Variants in PCK2 observed in about 807,000 individuals in gnomAD.
PCK2 encodes the protein phosphoenolpyruvate carboxykinase [GTP], mitochondrial.
A neutral mutation model predicts 65.9 loss-of-function variants in PCK2; 56 were observed. The ratio of observed to expected loss-of-function variants is 0.85; its 90% CI spans 0.69 to 1.06. The LOEUF (loss-of-function observed/expected upper bound fraction) is 1.06. Among genes scored for constraint, PCK2 ranks in the 50% least tolerant of loss-of-function variants. The pLI, the probability that PCK2 is intolerant of heterozygous loss-of-function variation, is 0.00. For synonymous variants in PCK2, 305 were observed against 319.6 expected (o/e 0.95, Z 0.49); for missense variants, 843 against 863.1 (o/e 0.98, Z 0.29).
chr14:24,094,667 C>G lies in PCK2; in HGVS notation c.29+233C>G. ...CTCCCCTTCTCTGCCTCGCTCGCCT[C>G]TGACCGCGCGATCTCTATCTGCCAC... On this transcript the variant is annotated intron_variant, in intron 1 of 9. Transcript: ENST00000216780. The surrounding 1 kb of genome is among the most constrained non-coding windows in gnomAD (Gnocchi z 4.1). The G allele has an allele frequency of 2.0e-6, 3 of 1,514,130 alleles. No homozygotes were observed. The highest frequency in any genetic ancestry group is 2.6e-6 in the Non-Finnish European group (3 of 1,133,696). 93.8% of individuals were successfully genotyped at this position (1,514,130 alleles called of 1,614,324 possible).
chr14:24,094,641 C>T lies in PCK2; in HGVS notation c.29+207C>T, dbSNP rs1164635414. 6.7e-7 allele frequency: 1 copy of T among 1,486,840 alleles called. No homozygotes were observed. Among genetic ancestry groups the T allele is most frequent in the Non-Finnish European group, 8.9e-7 (1 of 1,119,660 alleles). The allele number at this position is 1,486,840 out of a possible 1,614,324, so 92.1% of individuals were successfully genotyped here. ...CCGGTGCTCCTCGTTTCCGCCTGCA[C>T]CTCCCCTTCTCTGCCTCGCTCGCCT... On this transcript the variant is annotated intron_variant, in intron 1 of 9. Transcript: ENST00000216780. This position sits in a 1 kb window ranked among gnomAD's most constrained non-coding sequence, Gnocchi z 4.1.
Position 24,097,145 on chromosome 14 carries a change from T to C in PCK2, c.275+8T>C, listed in dbSNP as rs1269711047. 6.2e-7 allele frequency: 1 copy of C among 1,612,810 alleles called. No individual in the cohort carries two copies. Among genetic ancestry groups the C allele is most frequent in the East Asian group, 2.2e-5 (1 of 44,820 alleles). On this transcript the variant is annotated splice_region_variant and intron_variant, in intron 2 of 9. Transcript: ENST00000216780. Reference sequence around the variant, plus strand: ...CCCCAAGTACAATAACTGGTAAGCCTTGGGCTCCACAACCTGCAGGATAGG... The same window carrying C: ...CCCCAAGTACAATAACTGGTAAGCCCTGGGCTCCACAACCTGCAGGATAGG...
Position 24,098,202 on chromosome 14 carries a change from G to C in PCK2, c.276-1G>C. On this transcript the variant is annotated splice_acceptor_variant, in intron 2 of 9. Transcript: ENST00000216780. LOFTEE classifies it high-confidence loss of function. ...CTTCCTGACAATCCCCTCTCCCCCA[G>C]CTGGCTGGCCCGCACAGACCCCAAG... 1 of 1,591,928 alleles carries C rather than the reference G, an allele frequency of 6.3e-7. No homozygotes were observed. The highest frequency in any genetic ancestry group is 8.6e-7 in the Non-Finnish European group (1 of 1,165,164).
chr14:24,100,836 C>T (rs1300200996), intron 7 of PCK2, among the ~76,000 whole-genome samples: 1 of 152,190 alleles, frequency 6.6e-6, no homozygotes, highest in Non-Finnish European at 1.5e-5. Context: ...CAGGTCAGTG[C>T]TTGAGTCTTT....
rs747909133 is a variant in PCK2, at chr14:24,099,784, T to C, written c.1015+64T>C. The C allele has an allele frequency of 2.0e-6, 3 of 1,533,806 alleles. No homozygotes were observed. The Admixed American group carries it at 5.0e-5, about 26-fold the overall frequency. ...TGTCAGAGCCTCGGGGTCTCCTCTCTAGTGTTCACAATGACTTTGTCAGTG... is the reference window on the plus strand; with the variant it reads ...TGTCAGAGCCTCGGGGTCTCCTCTCCAGTGTTCACAATGACTTTGTCAGTG... On this transcript the variant is annotated intron_variant, in intron 6 of 9. Transcript: ENST00000216780.
chr14:24,095,157 TCGG>T (rs1478464505), intron 1 of PCK2: 2 of 455,834 alleles, frequency 4.4e-6, no homozygotes, highest in Non-Finnish European at 8.8e-6. Context: ...TGTCCCAGAG[TCGG>T]AAGTGACCCA....
intron 7 of PCK2, 173 bp downstream of exon 7, chr14:24,100,386 C>T: frequency 7.3e-7 from 1 of 1,377,736 alleles, no homozygotes; most frequent in Non-Finnish European, 9.6e-7. Flanking sequence ...CCAACTCCAC[C>T]AGTCACTGGT....
At chr14:24,102,610 C>G in intron 7 of PCK2, 143 bp from the exon 8 acceptor site, 2 of 686,324 alleles carry the variant, frequency 2.9e-6, no homozygotes, top group South Asian at 4.1e-5. Flanking sequence ...GCTCCCCTCT[C>G]TCTGCTCCTT....
Position 24,094,427 on chromosome 14 carries a change from G to A in PCK2, c.22G>A (p.Gly8Ser), listed in dbSNP as rs1303181968. The A allele has an allele frequency of 6.4e-7, 1 of 1,552,842 alleles. No homozygotes were observed. The highest frequency in any genetic ancestry group is 8.7e-7 in the Non-Finnish European group (1 of 1,154,844). The change falls in exon 1 of 10, where the codon GGC becomes AGC. Residue 8 changes from glycine to serine, a missense_variant. Transcript: ENST00000216780. This position sits in a 1 kb window ranked among gnomAD's most constrained non-coding sequence, Gnocchi z 4.1. Reference protein sequence around the residue: MAALYRPGLRLNWHGLSP... With the variant: MAALYRPSLRLNWHGLSP... ...TGCCATGGCCGCATTGTACCGCCCTGGCCTGCGGTGAGTGACCCCCGGCCC... is the reference window on the plus strand; with the variant it reads ...TGCCATGGCCGCATTGTACCGCCCTAGCCTGCGGTGAGTGACCCCCGGCCC...
chr14:24,100,240 C>T (rs1306293988), intron 7 of PCK2, 27 bp downstream of exon 7: 2 of 1,612,886 alleles, frequency 1.2e-6, no homozygotes, highest in Non-Finnish European at 1.7e-6. Context: ...AGGTGTGGCA[C>T]AGCCTCCAGG....
chr14:24,099,654 G>A lies in PCK2; in HGVS notation c.949G>A (p.Ala317Thr), dbSNP rs771075981. 20 of 1,613,710 alleles carry A rather than the reference G, an allele frequency of 1.2e-5. No individual in the cohort carries two copies. The highest frequency in any genetic ancestry group is 1.7e-5 in the Non-Finnish European group (20 of 1,179,644). Residue 317 changes from alanine to threonine, a missense_variant, in exon 6 of 10, where the codon GCA becomes ACA. Transcript: ENST00000216780. Reference sequence around the variant, plus strand: ...GACCAACCTGGCTATGATGCGGCCTGCACTGCCAGGCTGGAAAGTGGAGTG... The same window carrying A: ...GACCAACCTGGCTATGATGCGGCCTACACTGCCAGGCTGGAAAGTGGAGTG... The part of the protein sequence containing the change: ...GKTNLAMMRP[A>T]LPGWKVECVG...
intron 5 of PCK2, among the ~76,000 whole-genome samples, 160 bp from the exon 6 acceptor site, chr14:24,099,398 G>T (rs539928979): frequency 6.6e-6 from 1 of 152,322 alleles, no homozygotes; most frequent in African/African-American, 2.4e-5. Flanking sequence ...TGAATGTTGA[G>T]GTTTCCCCTG....
At position 24,103,254 on chromosome 14, in the gene PCK2, A is replaced by G; in HGVS notation, c.1467A>G (p.Lys489=). The G allele has an allele frequency of 1.2e-6, 2 of 1,610,678 alleles. No individual in the cohort carries two copies. Among genetic ancestry groups the G allele is most frequent in the Non-Finnish European group, 1.7e-6 (2 of 1,176,928 alleles). The change falls in exon 9 of 10, where the codon AAA becomes AAG. Residue 489 remains lysine (K), a splice_region_variant and synonymous_variant. Transcript: ENST00000216780. ...AGTCCACTGCTGCAGCAGAACACAA[A>G]GGTGAGCACCCTCACCATTCCTCCC... is the stretch of plus-strand genomic sequence containing the variant. ...RSESTAAAEH[K]GKIIMHDPFA...
At chr14:24,094,268 G>A (rs967520621), upstream of PCK2, 6 of 799,912 alleles carry the variant, frequency 7.5e-6, no homozygotes, top group African/African-American at 3.6e-5. The surrounding 1 kb of genome is among the most constrained non-coding windows in gnomAD (Gnocchi z 4.1). Context: ...CCGCCCCCGC[G>A]CCTGCCCCCC....
chr14:24,094,655 C>A lies in PCK2; in HGVS notation c.29+221C>A. 1 of 1,501,412 alleles carries A rather than the reference C, an allele frequency of 6.7e-7. No individual in the cohort carries two copies. Among genetic ancestry groups the A allele is most frequent in the Non-Finnish European group, 8.9e-7 (1 of 1,127,022 alleles). 93.0% of individuals were successfully genotyped at this position (1,501,412 alleles called of 1,614,324 possible). On this transcript the variant is annotated intron_variant, in intron 1 of 9. Transcript: ENST00000216780. This position sits in a 1 kb window ranked among gnomAD's most constrained non-coding sequence, Gnocchi z 4.1. ...TTCCGCCTGCACCTCCCCTTCTCTG[C>A]CTCGCTCGCCTCTGACCGCGCGATC...
At chr14:24,100,296 C>T (rs1389426918) in intron 7 of PCK2, 83 bp downstream of exon 7, 2 of 1,565,172 alleles carry the variant, frequency 1.3e-6, no homozygotes, top group South Asian at 2.5e-5. Flanking sequence ...AACCTCCAAC[C>T]ATCTTCTAGG....
At chr14:24,099,824 A>G (rs1425646273) in intron 6 of PCK2, 104 bp downstream of exon 6, 4 of 1,507,828 alleles carry the variant, frequency 2.7e-6, no homozygotes, top group South Asian at 1.1e-5. Flanking sequence ...AGTTTCCTGA[A>G]CACCCAACCC....
At position 24,102,646 on chromosome 14, in the gene PCK2, T is replaced by G. The variant is rs1485800229; in HGVS notation, c.1235-107T>G. ...ATCACACAAGGTTCTAGGCAGCTGA[T>G]GAGGCAAAAAAAAAAAAAGAACCCT... On this transcript the variant is annotated intron_variant, in intron 7 of 9. Coordinates refer to ENST00000216780, the MANE Select transcript of PCK2 (RefSeq NM_004563.4). 24 of 926,542 alleles carry G rather than the reference T, an allele frequency of 2.6e-5. 2 individuals are homozygous for G. In the South Asian group the frequency reaches 3.6e-4, roughly 14 times the overall value. The allele number at this position is 926,542 out of a possible 1,614,324, so 57.4% of individuals were successfully genotyped here.
rs755045133 is a variant in PCK2, at chr14:24,098,580, G to A, written c.566G>A (p.Arg189His). Residue 189 changes from arginine to histidine, a missense_variant, in exon 4 of 10, where the codon CGT becomes CAT. Coordinates refer to ENST00000216780, the MANE Select transcript of PCK2 (RefSeq NM_004563.4). ...TDSAYVVASM[R>H]IMTRLGTPVL... is the part of the protein sequence containing the mutation. Reference sequence around the variant, plus strand: ...TCAGCCTATGTGGTGGCAAGCATGCGTATTATGACCCGACTGGGGACACCT... The same window carrying A: ...TCAGCCTATGTGGTGGCAAGCATGCATATTATGACCCGACTGGGGACACCT... The A allele has an allele frequency of 1.5e-5, 24 of 1,614,014 alleles. No individual in the cohort carries two copies. The highest frequency in any genetic ancestry group is 1.3e-4 in the East Asian group (6 of 44,894).
Sources: gnomAD v4.1 joint callset for allele counts (sites outside exome capture counted in the v4.1 genomes callset) on GRCh38, gnomAD v4.1.1 for gene constraint, Gnocchi (gnomAD v3.1) non-coding constraint, MANE v1.5 for transcripts, NCBI Gene and HGNC (gene_info 2026-07-23, HGNC 2026-07-21) for gene names.